Variants in TTC17 observed in about 807,000 individuals in gnomAD.
TTC17 encodes tetratricopeptide repeat protein 17.
Under a neutral mutation model 143.8 loss-of-function variants are expected in TTC17, and 58 were observed. The ratio of observed to expected loss-of-function variants is 0.40; its 90% CI spans 0.33 to 0.50. TTC17 has a LOEUF of 0.50. Among genes scored for constraint, TTC17 ranks in the 20% least tolerant of loss-of-function variants. The pLI is 0.49. For synonymous variants in TTC17, 501 were observed against 497.8 expected, an observed-to-expected ratio of 1.01 and a Z score of -0.09; for missense variants, 1,273 against 1,392.5, an observed-to-expected ratio of 0.91 and a Z score of 1.37.
chr11:43,461,571 G>A (rs187867208), intron 21 of TTC17, among the ~76,000 whole-genome samples: 8 of 152,216 alleles, frequency 5.3e-5, no homozygotes, highest in Non-Finnish European at 1.2e-4. Flanking sequence ...CAGTAGGCCT[G>A]CACTGAAAAA....
rs1241076261 is a variant in TTC17, at chr11:43,396,784, G to A, written c.739G>A (p.Glu247Lys). The A allele has an allele frequency of 6.2e-7, 1 of 1,610,750 alleles. No individual in the cohort carries two copies. Among genetic ancestry groups the A allele is most frequent in the South Asian group, 1.1e-5 (1 of 90,810 alleles). ...TAAGAATGAGCCATATCAGGTAGTA[G>A]AATGTGCCATGCGAGCACTTCACTT... ...RIKNEPYQVV[E>K]CAMRALHFSS... The change falls in exon 6 of 24, where the codon GAA becomes AAA. Residue 247 changes from glutamate to lysine, a missense_variant. Around this residue, in one of 3 missense-constraint regions of TTC17, gnomAD observed 325 missense variants for 444.2 expected, o/e 0.73. Transcript: ENST00000039989.
chr11:43,461,107 G>A lies in TTC17; in HGVS notation c.3030+9842G>A, dbSNP rs944474717. Among the ~76,000 whole-genome samples, 22 of 152,244 alleles carry A rather than the reference G, an allele frequency of 1.4e-4. No individual in the cohort carries two copies. In the Middle Eastern group the frequency reaches 0.01, roughly 71 times the overall value. ...AAATGATAAAAACTAGAAGCCGGCC[G>A]GGCGCGGTGGCTCACGCCTGTAATC... On this transcript the variant is annotated intron_variant, in intron 21 of 23. Coordinates refer to ENST00000039989, the MANE Select transcript of TTC17 (RefSeq NM_018259.6).
chr11:43,362,066 C>T (rs984498183), intron 1 of TTC17, among the ~76,000 whole-genome samples: 8 of 151,232 alleles, frequency 5.3e-5, no homozygotes, highest in African/African-American at 1.7e-4. Flanking sequence ...CCACAACCTC[C>T]GCCTCCCGGG....
At position 43,407,366 on chromosome 11, in the gene TTC17, T is replaced by C; in HGVS notation, c.1853T>C (p.Ile618Thr). Residue 618 changes from isoleucine (I) to threonine (T), a missense_variant, in exon 15 of 24, where the codon ATC (isoleucine) becomes ACC (threonine). Around this residue, in one of 3 missense-constraint regions of TTC17, gnomAD observed 878 missense variants for 899.8 expected, o/e 0.98. Coordinates refer to ENST00000039989, the MANE Select transcript of TTC17 (RefSeq NM_018259.6). ...TGGATTTTTCAGCCAAATGCTCCTA[T>C]CTGGCTCATACTCAATGAAGCTGGA... ...FHAINKPNAP[I>T]WLILNEAGLY... 6.2e-7 allele frequency: 1 copy of C among 1,613,654 alleles called. No homozygotes were observed. The highest frequency in any genetic ancestry group is 8.5e-7 in the Non-Finnish European group (1 of 1,179,852).
intron 1 of TTC17, among the ~76,000 whole-genome samples, chr11:43,368,427 A>C (rs1322831533): frequency 6.6e-6 from 1 of 151,994 alleles, no homozygotes; most frequent in Non-Finnish European, 1.5e-5. Context: ...CCATTCACAA[A>C]ATTGCCCAGG....
At chr11:43,419,135 A>G (rs1946843751) in intron 16 of TTC17, among the ~76,000 whole-genome samples, 1 of 152,184 alleles carries the variant, frequency 6.6e-6, no homozygotes, top group African/African-American at 2.4e-5. Context: ...TAATTAATTG[A>G]GGCACACGCC....
At chr11:43,443,752 T>C (rs72900961) in intron 17 of TTC17, among the ~76,000 whole-genome samples, 168 bp downstream of exon 17, 1,899 of 152,310 alleles carry the variant, frequency 0.012, 16 homozygotes, top group Non-Finnish European at 0.02. Context: ...ATGTTACTTA[T>C]GTATTGCTGG....
intron 16 of TTC17, among the ~76,000 whole-genome samples, chr11:43,430,820 A>T (rs1011180082): frequency 2.0e-5 from 3 of 151,812 alleles, no homozygotes. Context: ...AAGTTCTGGG[A>T]TACATGTGCA....
chr11:43,433,032 C>T (rs1406682087), intron 16 of TTC17, among the ~76,000 whole-genome samples: 4 of 145,960 alleles, frequency 2.7e-5, no homozygotes, highest in East Asian at 3.9e-4. Flanking sequence ...GATGGAATCT[C>T]GCTCTGTCAC....
At chr11:43,470,069 G>T (rs1376206489) in intron 21 of TTC17, among the ~76,000 whole-genome samples, 21 of 152,110 alleles carry the variant, frequency 1.4e-4, no homozygotes, top group Admixed American at 1.4e-3. Flanking sequence ...AAGTAAAAAT[G>T]TATGACAACA....
chr11:43,488,608 A>G (rs1207176832), intron 21 of TTC17, among the ~76,000 whole-genome samples: 1 of 152,150 alleles, frequency 6.6e-6, no homozygotes, highest in Non-Finnish European at 1.5e-5. Flanking sequence ...CTTTTACTTT[A>G]CAGCAGATTA....
At chr11:43,425,251 C>T (rs186757208) in intron 16 of TTC17, among the ~76,000 whole-genome samples, 233 of 152,084 alleles carry the variant, frequency 1.5e-3, no homozygotes, top group Non-Finnish European at 2.8e-3. Context: ...ACCAGGACTA[C>T]GAAGCTAGGG....
At chr11:43,432,988 G>GGTGTT (rs1366033487) in intron 16 of TTC17, among the ~76,000 whole-genome samples, 1 of 135,170 alleles carries the variant, frequency 7.4e-6, no homozygotes, top group Non-Finnish European at 1.5e-5. Context: ...TGGTTTTTTG[G>GGTGTT]GTGTTTTGTT....
chr11:43,467,492 A>G (rs1947999411), intron 21 of TTC17, among the ~76,000 whole-genome samples: 1 of 152,234 alleles, frequency 6.6e-6, no homozygotes, highest in African/African-American at 2.4e-5. Flanking sequence ...CAGAAAATAG[A>G]ATGATTGTTG....
intron 16 of TTC17, among the ~76,000 whole-genome samples, chr11:43,417,514 T>C (rs1228439579): frequency 6.6e-6 from 1 of 152,154 alleles, no homozygotes; most frequent in East Asian, 1.9e-4. Flanking sequence ...ATGGAATTCA[T>C]GAGATTGCTG....
intron 2 of TTC17, among the ~76,000 whole-genome samples, chr11:43,389,100 T>G (rs1355214517): frequency 6.7e-6 from 1 of 148,770 alleles, no homozygotes; most frequent in African/African-American, 2.5e-5. Context: ...ATCACACCAC[T>G]GCAGCACTCC....
chr11:43,411,135 G>A (rs917652835), intron 15 of TTC17, among the ~76,000 whole-genome samples: 12 of 152,258 alleles, frequency 7.9e-5, no homozygotes, highest in South Asian at 2.1e-4. Flanking sequence ...GGGAAAATAC[G>A]AATTTGTAAT....
intron 21 of TTC17, among the ~76,000 whole-genome samples, chr11:43,476,651 C>G (rs556006275): frequency 2.6e-5 from 4 of 152,350 alleles, no homozygotes; most frequent in Non-Finnish European, 4.4e-5. Context: ...TGGCCTCTTT[C>G]AGCCATGGCT....
intron 21 of TTC17, among the ~76,000 whole-genome samples, chr11:43,456,894 A>G (rs1441716119): frequency 1.3e-5 from 2 of 152,144 alleles, no homozygotes; most frequent in African/African-American, 4.8e-5. Flanking sequence ...ATTAGGCTCA[A>G]AACTTAGGAA....
Sources: allele counts gnomAD v4.1 joint callset (sites outside exome capture counted in the v4.1 genomes callset), GRCh38; gene constraint gnomAD v4.1.1; regional missense constraint gnomAD v4.1.1; transcripts MANE v1.5; gene names NCBI Gene and HGNC (gene_info 2026-07-23, HGNC 2026-07-21).